The following VTI1A variants were observed in gnomAD, a reference collection of about 807,000 sequenced individuals.
VTI1A encodes vesicle transport through interaction with t-SNAREs homolog 1A.
In VTI1A, 22 loss-of-function variants were observed where a neutral mutation model predicts 34.9. The observed-to-expected ratio is 0.63, with a 90% CI of 0.45 to 0.90. The LOEUF (loss-of-function observed/expected upper bound fraction) is 0.90, where lower values mean the gene tolerates loss of function less well. Ranked by LOEUF, VTI1A falls within the 40% of genes least tolerant of loss-of-function variation. VTI1A has a pLI of 0.00. For missense variants in VTI1A, 268 were observed against 275.6 expected (o/e 0.97, Z 0.20); for synonymous variants, 87 against 97.3 (o/e 0.89, Z 0.62).
At chr10:112,846,092 G>A in the VTI1A span, among the ~76,000 whole-genome samples, 1 of 152,156 alleles carries the variant, frequency 6.6e-6, no homozygotes. Context: ...GCAGAGCCTG[G>A]CAGGATGGGA....
At chr10:112,710,239 GCT>G (rs1472324191) in intron 7 of VTI1A, among the ~76,000 whole-genome samples, 9 of 139,516 alleles carry the variant, frequency 6.5e-5, no homozygotes, top group African/African-American at 2.5e-4. Flanking sequence ...ATGGAGTCTT[GCT>G]CTGTCGCCCA....
intron 7 of VTI1A, among the ~76,000 whole-genome samples, chr10:112,802,697 G>A (rs1194919111): frequency 3.9e-5 from 6 of 152,314 alleles, no homozygotes; most frequent in African/African-American, 1.4e-4. Flanking sequence ...CTTTACAGAT[G>A]TTCAGATTTC....
intron 5 of VTI1A, among the ~76,000 whole-genome samples, chr10:112,600,610 C>A (rs2134468908): frequency 6.6e-6 from 1 of 152,268 alleles, no homozygotes; most frequent in Non-Finnish European, 1.5e-5. Context: ...TTTCACCTTA[C>A]CCTTCACTTA....
At chr10:112,493,581 A>G (rs1350255659) in intron 3 of VTI1A, among the ~76,000 whole-genome samples, 1 of 152,140 alleles carries the variant, frequency 6.6e-6, no homozygotes, top group Non-Finnish European at 1.5e-5. Context: ...GATTTTCACT[A>G]TTAGAATGAT....
intron 7 of VTI1A, among the ~76,000 whole-genome samples, chr10:112,693,916 A>T (rs979729378): frequency 1.3e-5 from 2 of 152,174 alleles, no homozygotes; most frequent in Admixed American, 6.5e-5. Flanking sequence ...AAAATATTTT[A>T]TCTGTTTTAA....
At chr10:112,469,419 T>G (rs1848005947) in intron 3 of VTI1A, among the ~76,000 whole-genome samples, 1 of 152,224 alleles carries the variant, frequency 6.6e-6, no homozygotes, top group Non-Finnish European at 1.5e-5. Context: ...ATCTTAAGAT[T>G]CATCATACTC....
chr10:112,737,532 G>A (rs1157591242), intron 7 of VTI1A: 9 of 1,050,588 alleles, frequency 8.6e-6, no homozygotes, highest in African/African-American at 1.7e-5. Context: ...CAGTATTTTA[G>A]GTACATCGTG....
intron 5 of VTI1A, among the ~76,000 whole-genome samples, chr10:112,614,748 G>A (rs1454214002): frequency 6.6e-6 from 1 of 152,096 alleles, no homozygotes; most frequent in African/African-American, 2.4e-5. Flanking sequence ...GTGAAATCAG[G>A]TTAATCCAAG....
intron 5 of VTI1A, among the ~76,000 whole-genome samples, chr10:112,643,532 C>A (rs778213904): frequency 3.9e-5 from 6 of 152,054 alleles, no homozygotes; most frequent in Non-Finnish European, 8.8e-5. Context: ...AGGCCAGAAA[C>A]CTTTCTCCTT....
chr10:112,545,976 G>A (rs367934995), intron 5 of VTI1A, among the ~76,000 whole-genome samples: 2 of 141,430 alleles, frequency 1.4e-5, no homozygotes, highest in East Asian at 2.0e-4. Flanking sequence ...GTGTATACAC[G>A]TATGTGTGTG....
chr10:112,743,206 G>T (rs1056261440), intron 7 of VTI1A, among the ~76,000 whole-genome samples: 1 of 152,080 alleles, frequency 6.6e-6, no homozygotes, highest in Non-Finnish European at 1.5e-5. Flanking sequence ...GAGGTTAAAC[G>T]TACCATCCCA....
intron 5 of VTI1A, among the ~76,000 whole-genome samples, chr10:112,565,199 T>G (rs542972606): frequency 6.6e-6 from 1 of 152,262 alleles, no homozygotes; most frequent in Non-Finnish European, 1.5e-5. Flanking sequence ...AGTTGTTAAA[T>G]TGGAATAATT....
rs559811298 is a variant in VTI1A, at chr10:112,671,774, A to G, written c.560+2776A>G. The G allele has an allele frequency of 1.2e-4, 18 of 152,346 alleles. 1 individual carries two copies. The highest frequency in any genetic ancestry group is 4.1e-4 in the African/African-American group (17 of 41,586). 9.4% of individuals were successfully genotyped at this position (152,346 alleles called of 1,614,324 possible). A position where few individuals can be genotyped will look rare whatever the true frequency, so the allele number is the denominator to read the frequency against. On this transcript the variant is annotated intron_variant, in intron 7 of 7. Transcript: ENST00000393077. ...AGTAAGCAACAAAAATTAAGTTTAT[A>G]AAATCCAGCAGCCACTAAATAATCA... is the stretch of plus-strand genomic sequence containing the variant.
intron 7 of VTI1A, among the ~76,000 whole-genome samples, chr10:112,723,422 G>A (rs896314210): frequency 7.7e-4 from 117 of 152,276 alleles, no homozygotes; most frequent in Non-Finnish European, 1.0e-4. Flanking sequence ...GCTTGAACCC[G>A]GTAACCTGTT....
intron 3 of VTI1A, among the ~76,000 whole-genome samples, chr10:112,509,281 G>A (rs1849534163): frequency 6.6e-6 from 1 of 152,110 alleles, no homozygotes; most frequent in Non-Finnish European, 1.5e-5. Flanking sequence ...GACAAAGCTG[G>A]AATTTGAACC....
At chr10:112,612,000 G>A (rs536301399) in intron 5 of VTI1A, among the ~76,000 whole-genome samples, 23 of 152,026 alleles carry the variant, frequency 1.5e-4, no homozygotes, top group East Asian at 3.9e-4. Flanking sequence ...CTCGGCCTCC[G>A]AAAGTGCTGG....
intron 7 of VTI1A, among the ~76,000 whole-genome samples, chr10:112,768,899 T>C (rs1457890073): frequency 6.6e-6 from 1 of 152,136 alleles, no homozygotes; most frequent in African/African-American, 2.4e-5. Context: ...CAGCTTAGGG[T>C]GCAAAATAAT....
At chr10:112,526,999 T>G in intron 3 of VTI1A, 88 bp from the exon 4 acceptor site, 1 of 1,343,652 alleles carries the variant, frequency 7.4e-7, no homozygotes, top group South Asian at 1.3e-5. Flanking sequence ...CTCTCGAGGT[T>G]TGAGATCAGC....
At chr10:112,638,795 G>C (rs1590009822) in intron 5 of VTI1A, among the ~76,000 whole-genome samples, 1 of 140,502 alleles carries the variant, frequency 7.1e-6, no homozygotes, top group Non-Finnish European at 1.5e-5. Flanking sequence ...TTTCCTTCTG[G>C]CTTAGTCCTA....
Sources: allele counts gnomAD v4.1 joint callset (sites outside exome capture counted in the v4.1 genomes callset), GRCh38; gene constraint gnomAD v4.1.1; transcripts MANE v1.5; gene names NCBI Gene and HGNC (gene_info 2026-07-23, HGNC 2026-07-21).